CRACDL: variants seen among roughly 807,000 people sequenced by gnomAD.
The protein encoded by CRACDL is CRACD-like protein.
Under a neutral mutation model 70.6 loss-of-function variants are expected in CRACDL, and 26 were observed. That is an observed-to-expected ratio of 0.37 (90% CI 0.27 to 0.51). The LOEUF is 0.51. Ranked by LOEUF, CRACDL falls within the 20% of genes least tolerant of loss-of-function variation. CRACDL has a pLI of 0.94. For synonymous variants in CRACDL, 618 were observed against 615.2 expected (o/e 1.00, Z -0.07); for missense variants, 1,283 against 1,376.9 (o/e 0.93, Z 1.08).
intron 1 of CRACDL, among the ~76,000 whole-genome samples, chr2:98,879,029 G>C (rs1707565196): frequency 6.6e-6 from 1 of 152,076 alleles, no homozygotes; most frequent in African/African-American, 2.4e-5. Flanking sequence ...CCACCACCCT[G>C]GCCCTGAGAA....
chr2:98,923,385 C>A (rs986638210), intron 1 of CRACDL, among the ~76,000 whole-genome samples: 1 of 151,978 alleles, frequency 6.6e-6, no homozygotes, highest in African/African-American at 2.4e-5. Context: ...GGTACTTTGT[C>A]TTGTAGCTGG....
intron 1 of CRACDL, among the ~76,000 whole-genome samples, chr2:98,889,331 G>GAAAGAA (rs1558624652): frequency 9.6e-6 from 1 of 104,208 alleles, no homozygotes; most frequent in Non-Finnish European, 1.9e-5. Context: ...AAGAAAGAAA[G>GAAAGAA]AAAGAAAGAA....
chr2:98,904,893 C>T (rs1339694192), intron 1 of CRACDL, among the ~76,000 whole-genome samples: 1 of 152,132 alleles, frequency 6.6e-6, no homozygotes. Context: ...GGGGCGGATC[C>T]CTCCTGAATG....
chr2:98,860,904 T>C (rs1706909794), intron 1 of CRACDL, among the ~76,000 whole-genome samples: 1 of 152,118 alleles, frequency 6.6e-6, no homozygotes, highest in African/African-American at 2.4e-5. Context: ...TATAACTCAA[T>C]AATAAAAAGA....
Position 98,803,477 on chromosome 2 carries a change from A to G in CRACDL, c.2417-5940T>C, listed in dbSNP as rs572088325. The stretch of plus-strand genomic sequence containing the variant: ...TTAAGAAACTTTTTCTTTTCATAAC[A>G]TTTCTTTCTTGTTCATAGAAGTACA... On this transcript the variant is annotated intron_variant, in intron 7 of 9. Transcript: ENST00000397899. Among the ~76,000 whole-genome samples the G allele has an allele frequency of 1.6e-3, 236 of 152,238 alleles. 1 individual carries two copies. The highest frequency in any genetic ancestry group is 2.7e-3 in the Non-Finnish European group (186 of 68,006).
At chr2:98,870,899 C>T (rs571222532) in intron 1 of CRACDL, among the ~76,000 whole-genome samples, 3 of 152,358 alleles carry the variant, frequency 2.0e-5, no homozygotes, top group South Asian at 2.1e-4. Flanking sequence ...GCCCAATGCC[C>T]GAACAAGACA....
chr2:98,836,891 G>A (rs1705809233), intron 3 of CRACDL, among the ~76,000 whole-genome samples: 1 of 152,032 alleles, frequency 6.6e-6, no homozygotes, highest in South Asian at 2.1e-4. Flanking sequence ...GACCATCCTG[G>A]CTAACACGGT....
chr2:98,927,350 G>T (rs1453414998), intron 1 of CRACDL, among the ~76,000 whole-genome samples: 1 of 152,244 alleles, frequency 6.6e-6, no homozygotes, highest in Admixed American at 6.5e-5. Context: ...TCCTGAGCAT[G>T]CGGCCAAGGC....
At chr2:98,862,256 A>G (rs1391883984) in intron 1 of CRACDL, among the ~76,000 whole-genome samples, 4 of 152,210 alleles carry the variant, frequency 2.6e-5, no homozygotes, top group African/African-American at 7.2e-5. Flanking sequence ...ACTGCCTGCA[A>G]CAATTAAAAC....
chr2:98,830,804 T>C (rs1463998925), intron 5 of CRACDL, among the ~76,000 whole-genome samples: 1 of 152,156 alleles, frequency 6.6e-6, no homozygotes, highest in Non-Finnish European at 1.5e-5. Flanking sequence ...GGAGATAGGC[T>C]TGCTCTTCAA....
Position 98,822,798 on chromosome 2 carries a change from G to T in CRACDL, c.1475C>A (p.Pro492Gln). ...EPSTAPAPSP[P>Q]APKSCLKHRP... ...GTGTTTCAGGCAGCTCTTGGGCGCC[G>T]GCGGGCTCGGGGCGGGCGCCGTGGA... is the stretch of plus-strand genomic sequence containing the variant. The change falls in exon 7 of 10, where the codon CCG (proline) becomes CAG (glutamine). Residue 492 changes from proline (P) to glutamine (Q), a missense_variant. Transcript: ENST00000397899. This position sits in a 1 kb window ranked among gnomAD's most constrained non-coding sequence, Gnocchi z 4.9. 1 of 1,367,478 alleles carries T rather than the reference G, an allele frequency of 7.3e-7. No homozygotes were observed. The highest frequency in any genetic ancestry group is 9.4e-7 in the Non-Finnish European group (1 of 1,065,248). The allele number at this position is 1,367,478 out of a possible 1,614,324, so 84.7% of individuals were successfully genotyped here. A position where few individuals can be genotyped will look rare whatever the true frequency, so the allele number is the denominator to read the frequency against.
chr2:98,921,161 A>G (rs1397811715), intron 1 of CRACDL, among the ~76,000 whole-genome samples: 1 of 152,226 alleles, frequency 6.6e-6, no homozygotes, highest in East Asian at 1.9e-4. Flanking sequence ...AGTCTGCCTG[A>G]CTATGGCCCA....
intron 7 of CRACDL, among the ~76,000 whole-genome samples, chr2:98,810,245 G>C (rs77163068): frequency 0.011 from 1,677 of 152,266 alleles, 73 homozygotes; most frequent in Admixed American, 0.075. Flanking sequence ...CCAGGGAGCT[G>C]GTATCAGGGG....
At chr2:98,876,494 G>A (rs1392585600) in intron 1 of CRACDL, among the ~76,000 whole-genome samples, 1 of 152,132 alleles carries the variant, frequency 6.6e-6, no homozygotes, top group Non-Finnish European at 1.5e-5. Context: ...TCATAGGAGT[G>A]CGAGCCCTAT....
intron 1 of CRACDL, among the ~76,000 whole-genome samples, chr2:98,894,338 G>A (rs570292923): frequency 3.8e-4 from 58 of 152,316 alleles, no homozygotes; most frequent in African/African-American, 1.1e-3. Flanking sequence ...GAGGAAGAGC[G>A]TCAATGTGAA....
In CRACDL at chr2:98,923,757, CT is replaced by C. The variant is rs367880383; in HGVS notation, c.-11+12180del. Among the ~76,000 whole-genome samples the C allele has an allele frequency of 4.6e-4, 70 of 152,306 alleles. No homozygotes were observed. The South Asian group carries it at 8.1e-3, about 18-fold the overall frequency. ...TTTTTGCTGATATGCATTTTTCCTACTGATGAATTGTGAAAACATAGTTACT... is the reference window on the plus strand; with the variant it reads ...TTTTTGCTGATATGCATTTTTCCTACGATGAATTGTGAAAACATAGTTACT... On this transcript the variant is annotated intron_variant, in intron 1 of 9. Transcript: ENST00000397899.
At position 98,821,988 on chromosome 2, in the gene CRACDL, A is replaced by G; in HGVS notation, c.2285T>C (p.Leu762Pro). 1 of 1,529,698 alleles carries G rather than the reference A, an allele frequency of 6.5e-7. No individual in the cohort carries two copies. Among genetic ancestry groups the G allele is most frequent in the Non-Finnish European group, 8.8e-7 (1 of 1,138,958 alleles). The allele number at this position is 1,529,698 out of a possible 1,614,324, so 94.8% of individuals were successfully genotyped here. ...GCTCTGCAGAAGCGGCTTCCGGGGC[A>G]GGGGCGGCTTGGAGCTGAGCGGCTC... ...PPEPLSSKPP[L>P]PRKPLLQSFT... Residue 762 changes from leucine (L) to proline (P), a missense_variant, in exon 7 of 10, where the codon CTG (leucine) becomes CCG (proline). Leu to Pro is a moderately conservative substitution (Grantham distance 98). Around this residue, in one of 2 missense-constraint regions of CRACDL, gnomAD observed 921 missense variants for 881.9 expected, o/e 1.04. Transcript: ENST00000397899.
chr2:98,859,735 C>T (rs568202554), intron 1 of CRACDL, among the ~76,000 whole-genome samples: 6 of 152,008 alleles, frequency 3.9e-5, no homozygotes, highest in South Asian at 2.1e-4. Flanking sequence ...TGCTTTTCCC[C>T]GGAGATAAGA....
At chr2:98,805,854 C>A (rs954221838) in intron 7 of CRACDL, among the ~76,000 whole-genome samples, 2 of 152,248 alleles carry the variant, frequency 1.3e-5, no homozygotes, top group East Asian at 1.9e-4. Flanking sequence ...AATTTCCCAA[C>A]TGATGCTCAG....
Sources: gnomAD v4.1 joint callset for allele counts (sites outside exome capture counted in the v4.1 genomes callset) on GRCh38, gnomAD v4.1.1 for gene constraint, gnomAD v4.1.1 regional missense constraint, Gnocchi (gnomAD v3.1) non-coding constraint, MANE v1.5 for transcripts, NCBI Gene and HGNC (gene_info 2026-07-23, HGNC 2026-07-21) for gene names.